BBS7: variants seen among roughly 807,000 people sequenced by gnomAD.
BBS7 encodes the protein Bardet-Biedl syndrome 7, also known as BBSome complex member BBS7.
Under a neutral mutation model 90.3 loss-of-function variants are expected in BBS7, and 50 were observed. The observed-to-expected ratio is 0.55, with a 90% CI of 0.44 to 0.70. The LOEUF (loss-of-function observed/expected upper bound fraction) is 0.70, where lower values mean the gene tolerates loss of function less well. Among genes scored for constraint, BBS7 ranks in the 30% least tolerant of loss-of-function variants. The probability of loss-of-function intolerance (pLI) is 0.00; values close to 1 mark genes in which losing one functional copy is unlikely to be tolerated. For synonymous variants in BBS7, 235 were observed against 287.4 expected, an observed-to-expected ratio of 0.82 and a Z score of 1.85; for missense variants, 729 against 838.9, an observed-to-expected ratio of 0.87 and a Z score of 1.62.
chr4:121,852,973 C>G lies in BBS7; in HGVS notation c.832G>C (p.Val278Leu). The G allele has an allele frequency of 6.2e-7, 1 of 1,613,630 alleles. No homozygotes were observed. The highest frequency in any genetic ancestry group is 1.1e-5 in the South Asian group (1 of 91,062). The change falls in exon 8 of 19, where the codon GTT becomes CTT. Residue 278 changes from valine to leucine, a missense_variant. Coordinates refer to ENST00000264499, the MANE Select transcript of BBS7 (RefSeq NM_176824.3). ...GAACTTACCTGATCAAATCGTAGAACAGGTTCATTTGCATTATCAAAACTA... is the reference window on the plus strand; with the variant it reads ...GAACTTACCTGATCAAATCGTAGAAGAGGTTCATTTGCATTATCAAAACTA... ...VYSFDNANEP[V>L]LRFDQMLSES...
intron 10 of BBS7, among the ~76,000 whole-genome samples, chr4:121,846,328 GAAC>G (rs985715139): frequency 8.7e-4 from 132 of 152,306 alleles, no homozygotes; most frequent in African/African-American, 3.1e-3. Flanking sequence ...CATTGGGATA[GAAC>G]AACATGAGGC....
intron 11 of BBS7, among the ~76,000 whole-genome samples, chr4:121,845,242 C>A (rs1256009513): frequency 1.3e-5 from 2 of 151,984 alleles, no homozygotes; most frequent in Admixed American, 6.6e-5. Context: ...GTGGCACATA[C>A]CTGTAGTCCC....
intron 11 of BBS7, among the ~76,000 whole-genome samples, chr4:121,844,258 C>G (rs1725891324): frequency 6.6e-6 from 1 of 152,144 alleles, no homozygotes. Flanking sequence ...TCTCACCACC[C>G]CCTTAAAAGT....
intron 8 of BBS7, among the ~76,000 whole-genome samples, chr4:121,851,125 C>T (rs570281217): frequency 1.4e-4 from 22 of 152,136 alleles, no homozygotes; most frequent in African/African-American, 3.4e-4. Context: ...AATAGAAACA[C>T]GCACATTCTC....
In BBS7 at chr4:121,828,396, A is replaced by G. The variant is rs1553930514; in HGVS notation, c.1890+6T>C. On this transcript the variant is annotated splice_donor_region_variant and intron_variant, in intron 17 of 18. Coordinates refer to ENST00000264499, the MANE Select transcript of BBS7 (RefSeq NM_176824.3). The stretch of plus-strand genomic sequence containing the variant: ...ATCACCAGTCCACGACGACACATGT[A>G]CTTACTTTTAAAGCATCAATTAACT... The G allele has an allele frequency of 1.2e-6, 2 of 1,610,858 alleles. No individual in the cohort carries two copies. Among genetic ancestry groups the G allele is most frequent in the African/African-American group, 1.3e-5 (1 of 74,864 alleles).
rs1173402541 is a variant in BBS7, at chr4:121,828,639, A to G, written c.1766T>C (p.Ile589Thr). 6.2e-7 allele frequency: 1 copy of G among 1,602,874 alleles called. No individual in the cohort carries two copies. Among genetic ancestry groups the G allele is most frequent in the African/African-American group, 1.3e-5 (1 of 74,754 alleles). ...TTTACCGTATGATATGTTGAGGTTA[A>G]TTTTCCTTTTTGTAGCTTCTTTAGA... ...VLSKEATKRK[I>T]NLNISYEINE... Residue 589 changes from isoleucine to threonine, a missense_variant, in exon 16 of 19, where the codon ATT (isoleucine) becomes ACT (threonine). By Grantham distance (89) the Ile-to-Thr change is moderately conservative. Transcript: ENST00000264499.
At chr4:121,844,490 A>T (rs1367203357) in intron 11 of BBS7, among the ~76,000 whole-genome samples, 4 of 151,668 alleles carry the variant, frequency 2.6e-5, no homozygotes, top group Non-Finnish European at 5.9e-5. Context: ...TCAATGCAAC[A>T]GCCCGTGAGC....
intron 2 of BBS7, 36 bp from the exon 3 acceptor site, chr4:121,863,315 A>G (rs1248743280): frequency 6.6e-7 from 1 of 1,512,662 alleles, no homozygotes; most frequent in African/African-American, 1.4e-5. Context: ...AATTACTATT[A>G]TTAATATTAT....
intron 10 of BBS7, among the ~76,000 whole-genome samples, chr4:121,846,619 G>T (rs1726025941): frequency 6.6e-6 from 1 of 152,162 alleles, no homozygotes; most frequent in Non-Finnish European, 1.5e-5. Flanking sequence ...AACTATACTT[G>T]TATCCTTGTT....
intron 9 of BBS7, among the ~76,000 whole-genome samples, chr4:121,848,550 ATAT>A (rs1378077333): frequency 6.6e-6 from 1 of 152,224 alleles, no homozygotes; most frequent in Non-Finnish European, 1.5e-5. Flanking sequence ...TGATGTAAGC[ATAT>A]TGTTATAATT....
At position 121,861,545 on chromosome 4, in the gene BBS7, G is replaced by C. The variant is rs750255237; in HGVS notation, c.300C>G (p.Phe100Leu). 28 of 1,613,472 alleles carry C rather than the reference G, an allele frequency of 1.7e-5. No individual in the cohort carries two copies. The highest frequency in any genetic ancestry group is 2.2e-5 in the Non-Finnish European group (26 of 1,179,702). The change falls in exon 4 of 19, where the codon TTC (phenylalanine) becomes TTG (leucine). Residue 100 changes from phenylalanine to leucine, a missense_variant. Transcript: ENST00000264499. ...IRGFTKRGKQ[F>L]LSFETNLTES... Reference sequence around the variant, plus strand: ...CAGTGAGGTTTGTTTCAAAGGAGAGGAACTGTTTTCCTCTTTTTGTGAAGC... The same window carrying C: ...CAGTGAGGTTTGTTTCAAAGGAGAGCAACTGTTTTCCTCTTTTTGTGAAGC...
At chr4:121,839,127 T>C (rs1319779432) in intron 13 of BBS7, among the ~76,000 whole-genome samples, 1 of 152,156 alleles carries the variant, frequency 6.6e-6, no homozygotes, top group Non-Finnish European at 1.5e-5. Flanking sequence ...GGGTAGTAAA[T>C]GAATAGCATA....
intron 2 of BBS7, among the ~76,000 whole-genome samples, chr4:121,867,699 A>G (rs938133790): frequency 1.3e-5 from 2 of 152,242 alleles, no homozygotes; most frequent in Admixed American, 6.5e-5. Context: ...ATTCTGCTTT[A>G]TATTTCTTTT....
At chr4:121,852,322 G>C (rs1376466603) in intron 8 of BBS7, among the ~76,000 whole-genome samples, 1 of 152,084 alleles carries the variant, frequency 6.6e-6, no homozygotes, top group Non-Finnish European at 1.5e-5. Context: ...AATAGCCTCA[G>C]TGTGTCCTAT....
At chr4:121,828,880 A>C (rs1353161513) in intron 15 of BBS7, 152 bp from the exon 16 acceptor site, 5 of 508,784 alleles carry the variant, frequency 9.8e-6, no homozygotes, top group Non-Finnish European at 1.7e-5. Context: ...AAATTTAAAC[A>C]TGTAATCCTT....
At chr4:121,856,244 A>AGC (rs1277471955) in intron 5 of BBS7, among the ~76,000 whole-genome samples, 1 of 152,208 alleles carries the variant, frequency 6.6e-6, no homozygotes, top group Non-Finnish European at 1.5e-5. Flanking sequence ...CAGAGGCTGA[A>AGC]TGACCTGCTA....
chr4:121,829,160 T>C (rs1725051265), intron 15 of BBS7, among the ~76,000 whole-genome samples: 1 of 152,130 alleles, frequency 6.6e-6, no homozygotes, highest in African/African-American at 2.4e-5. Context: ...TGATATCAAA[T>C]ATGAAAGAGT....
chr4:121,864,505 GTTAT>G (rs1727154997), intron 2 of BBS7, among the ~76,000 whole-genome samples: 1 of 152,018 alleles, frequency 6.6e-6, no homozygotes, highest in Admixed American at 6.6e-5. Flanking sequence ...TTGAAAAATA[GTTAT>G]TTTTCATAAA....
chr4:121,850,328 C>T (rs1266470470), intron 8 of BBS7, among the ~76,000 whole-genome samples: 1 of 151,892 alleles, frequency 6.6e-6, no homozygotes, highest in Non-Finnish European at 1.5e-5. Context: ...CCATGCCTAG[C>T]TAATTTTTTA....
Sources: gnomAD v4.1 joint callset for allele counts (sites outside exome capture counted in the v4.1 genomes callset) on GRCh38, gnomAD v4.1.1 for gene constraint, MANE v1.5 for transcripts, NCBI Gene and HGNC (gene_info 2026-07-23, HGNC 2026-07-21) for gene names.